FLI1: variants seen among roughly 807,000 people sequenced by gnomAD.
FLI1 encodes the protein Friend leukemia integration 1 transcription factor.
Under a neutral mutation model 53.1 loss-of-function variants are expected in FLI1, and 13 were observed. That is an observed-to-expected ratio of 0.24 (90% CI 0.16 to 0.39). The LOEUF is 0.39. Ranked by LOEUF, FLI1 falls within the 10% of genes least tolerant of loss-of-function variation. FLI1 has a pLI of 1.00. For synonymous variants in FLI1, 244 were observed against 236.7 expected, an observed-to-expected ratio of 1.03 and a Z score of -0.28; for missense variants, 424 against 600.5, an observed-to-expected ratio of 0.71 and a Z score of 3.07.
intron 1 of FLI1, among the ~76,000 whole-genome samples, chr11:128,702,587 C>G (rs1361573277): frequency 6.6e-6 from 1 of 152,212 alleles, no homozygotes; most frequent in Non-Finnish European, 1.5e-5. Context: ...TGGGGCCAGG[C>G]ACGGTGGCTC....
intron 2 of FLI1, among the ~76,000 whole-genome samples, chr11:128,764,404 C>T (rs965436150): frequency 2.6e-5 from 4 of 152,216 alleles, no homozygotes; most frequent in African/African-American, 4.8e-5. Context: ...TGGCCTCTGT[C>T]GCCCTGAGAT....
intron 1 of FLI1, among the ~76,000 whole-genome samples, chr11:128,746,333 C>G (rs1591774968): frequency 6.6e-6 from 1 of 151,928 alleles, no homozygotes; most frequent in Admixed American, 6.5e-5. Flanking sequence ...CCCATGACCC[C>G]AGGAATCGAA....
chr11:128,803,895 A>G (rs1305928739), intron 5 of FLI1: 1 of 152,204 alleles, frequency 6.6e-6, no homozygotes, highest in Non-Finnish European at 1.5e-5. Flanking sequence ...AAGCAAGAAG[A>G]ATCCCTTTAG....
At chr11:128,758,763 G>C (rs1940995670) in intron 2 of FLI1, among the ~76,000 whole-genome samples, 1 of 152,216 alleles carries the variant, frequency 6.6e-6, no homozygotes, top group African/African-American at 2.4e-5. Context: ...GTGGAGAAGG[G>C]ATGAGGAAGG....
At chr11:128,776,434 T>C (rs556871372) in intron 4 of FLI1, among the ~76,000 whole-genome samples, 2 of 152,338 alleles carry the variant, frequency 1.3e-5, no homozygotes, top group Admixed American at 1.3e-4. Context: ...GTGGATCACC[T>C]GAGGCCAGAA....
intron 1 of FLI1, among the ~76,000 whole-genome samples, chr11:128,713,205 G>A (rs181143222): frequency 1.7e-4 from 26 of 152,184 alleles, no homozygotes; most frequent in African/African-American, 6.3e-4. Flanking sequence ...CTGTAGTCCT[G>A]CTTCTCACTC....
intron 1 of FLI1, among the ~76,000 whole-genome samples, chr11:128,724,170 CTT>C (rs1939373015): frequency 6.6e-6 from 1 of 152,114 alleles, no homozygotes; most frequent in Admixed American, 6.5e-5. Flanking sequence ...GTCTCGAACT[CTT>C]TACCTCAGGT....
chr11:128,759,998 C>T (rs954039220), intron 2 of FLI1, among the ~76,000 whole-genome samples: 11 of 152,114 alleles, frequency 7.2e-5, no homozygotes, highest in African/African-American at 2.2e-4. Context: ...ACATTTCAAC[C>T]CTACTAACCA....
At chr11:128,705,938 G>A (rs890451318) in intron 1 of FLI1, among the ~76,000 whole-genome samples, 1 of 152,018 alleles carries the variant, frequency 6.6e-6, no homozygotes, top group Non-Finnish European at 1.5e-5. Flanking sequence ...GTAATGTCCC[G>A]ATGAACCCTA....
chr11:128,778,167 C>T (rs1462525528), intron 4 of FLI1, among the ~76,000 whole-genome samples: 3 of 152,160 alleles, frequency 2.0e-5, no homozygotes, highest in African/African-American at 7.2e-5. Flanking sequence ...CATACAAACA[C>T]ATATACAGAA....
At chr11:128,783,940 A>T (rs965605784) in intron 5 of FLI1, among the ~76,000 whole-genome samples, 4 of 151,740 alleles carry the variant, frequency 2.6e-5, no homozygotes, top group Admixed American at 2.0e-4. Flanking sequence ...AGAGGGAAGG[A>T]AGGGAAGGGA....
At chr11:128,757,992 C>G in intron 1 of FLI1, 123 bp from the exon 2 acceptor site, 1 of 800,600 alleles carries the variant, frequency 1.2e-6, no homozygotes, top group Non-Finnish European at 2.0e-6. Flanking sequence ...GTGAGTCAAA[C>G]AGGAACTTCC....
rs75977786 is a variant in FLI1 at position 128,698,804 on chromosome 11, C to T, written c.18+4528C>T. Among the ~76,000 whole-genome samples the T allele has an allele frequency of 8.8e-3, 1,345 of 152,086 alleles. 22 individuals carry two copies. Among genetic ancestry groups the T allele is most frequent in the African/African-American group, 0.031 (1,291 of 41,448 alleles). The stretch of plus-strand genomic sequence containing the variant: ...AGAATTTGGCACTTTACACTAAAGA[C>T]ACCTCTGGTATTTAATGAAAAATAA... On this transcript the variant is annotated intron_variant, in intron 1 of 8. Transcript: ENST00000527786.
intron 5 of FLI1, among the ~76,000 whole-genome samples, chr11:128,787,281 G>C (rs1483302216): frequency 6.6e-6 from 1 of 152,128 alleles, no homozygotes; most frequent in Non-Finnish European, 1.5e-5. Flanking sequence ...GAGATGAGAA[G>C]GCTGGTAGTA....
At chr11:128,806,154 C>T (rs1942778307) in intron 6 of FLI1, 2 of 152,010 alleles carry the variant, frequency 1.3e-5, no homozygotes, top group Admixed American at 1.3e-4. Context: ...AAATTAATGC[C>T]CAAACAATAA....
chr11:128,773,658 A>C (rs497714), intron 4 of FLI1, among the ~76,000 whole-genome samples: 81,317 of 148,390 alleles, frequency 0.55, 23,081 homozygotes, highest in Non-Finnish European at 0.63. Context: ...AGCGCCCATC[A>C]GTCTGATATG....
At chr11:128,701,033 C>T (rs1938310596) in intron 1 of FLI1, among the ~76,000 whole-genome samples, 1 of 152,202 alleles carries the variant, frequency 6.6e-6, no homozygotes, top group African/African-American at 2.4e-5. Flanking sequence ...CATCACTTAT[C>T]AGAGGCCACA....
chr11:128,733,513 A>G (rs1939784704), intron 1 of FLI1, among the ~76,000 whole-genome samples: 1 of 152,320 alleles, frequency 6.6e-6, no homozygotes, highest in African/African-American at 2.4e-5. Context: ...GAACACGGTC[A>G]AGTTAGTGGG....
In FLI1 at chr11:128,745,060, A is replaced by G. The variant is rs190464117; in HGVS notation, c.19-13055A>G. Among the ~76,000 whole-genome samples, 5 of 152,346 alleles carry G rather than the reference A, an allele frequency of 3.3e-5. No homozygotes were observed. In the East Asian group the frequency reaches 9.6e-4, roughly 29 times the overall value. ...GCAGAGAAGACAGGGAGGCAATTCT[A>G]TGCAGGTGAAGCTGCATATGTATAT... On this transcript the variant is annotated intron_variant, in intron 1 of 8. Transcript: ENST00000527786.
Sources: gnomAD v4.1 joint callset for allele counts (sites outside exome capture counted in the v4.1 genomes callset) on GRCh38, gnomAD v4.1.1 for gene constraint, MANE v1.5 for transcripts, NCBI Gene and HGNC (gene_info 2026-07-23, HGNC 2026-07-21) for gene names.